The following DDX19A variants were observed in gnomAD, a reference collection of about 807,000 sequenced individuals.
DDX19A encodes the protein DEAD-box helicase 19A, also known as ATP-dependent RNA helicase DDX19A.
In DDX19A, 12 loss-of-function variants were observed where a neutral mutation model predicts 60.6. The ratio of observed to expected loss-of-function variants is 0.20; its 90% confidence interval spans 0.13 to 0.32. The LOEUF (loss-of-function observed/expected upper bound fraction) is 0.32, where lower values mean the gene tolerates loss of function less well. DDX19A is among the 10% of genes least tolerant of loss of function. The pLI is 1.00. For synonymous variants in DDX19A, 206 were observed against 218.2 expected (o/e 0.94, Z 0.49); for missense variants, 337 against 600.6 (o/e 0.56, Z 4.59).
In DDX19A at chr16:70,365,003, G is replaced by T; in HGVS notation, c.490-14G>T. 1 of 1,609,456 alleles carries T rather than the reference G, an allele frequency of 6.2e-7. No individual in the cohort carries two copies. Among genetic ancestry groups the T allele is most frequent in the South Asian group, 1.1e-5 (1 of 90,962 alleles). ...TGGCTCTCCTAAACTCATCCTTTAT[G>T]ATTTTTCTGTCAGTGTCTGTGCCTC... On this transcript the variant is annotated splice_polypyrimidine_tract_variant and intron_variant, in intron 6 of 11. Transcript: ENST00000302243.
At chr16:70,361,266 T>C in intron 4 of DDX19A, 152 bp from the exon 5 acceptor site, 1 of 646,220 alleles carries the variant, frequency 1.5e-6, no homozygotes, top group Non-Finnish European at 2.7e-6. Flanking sequence ...TTGATTTGGT[T>C]TGGTTTTTGA....
chr16:70,363,071 C>G (rs1567654675), intron 5 of DDX19A, among the ~76,000 whole-genome samples: 1 of 151,516 alleles, frequency 6.6e-6, no homozygotes, highest in African/African-American at 2.4e-5. Flanking sequence ...GGGCTGGTCT[C>G]AAACTCCTGG....
At chr16:70,366,427 C>G in intron 8 of DDX19A, 165 bp downstream of exon 8, 1 of 1,268,284 alleles carries the variant, frequency 7.9e-7, no homozygotes, top group Non-Finnish European at 1.1e-6. Context: ...ACAGTCCCTC[C>G]CAACCTGGGT....
Position 70,365,062 on chromosome 16 carries a change from A to G in DDX19A, c.535A>G (p.Lys179Glu). ...PTYELALQTG[K>E]VIEQMGKFYP... ...ATATGAGCTGGCGCTTCAAACAGGA[A>G]AAGTGATTGAGCAGATGGGCAAATT... Residue 179 changes from lysine (K) to glutamate (E), a missense_variant, in exon 7 of 12, where the codon AAA becomes GAA. Transcript: ENST00000302243. 6.2e-7 allele frequency: 1 copy of G among 1,614,198 alleles called. No homozygotes were observed. The highest frequency in any genetic ancestry group is 1.7e-4 in the Middle Eastern group (1 of 6,060).
rs1165311702 is a variant in DDX19A at position 70,370,331 on chromosome 16, C to T, written c.1129C>T (p.Arg377Cys). The T allele has an allele frequency of 1.9e-6, 3 of 1,613,844 alleles. No individual in the cohort carries two copies. Among genetic ancestry groups the T allele is most frequent in the Non-Finnish European group, 1.7e-6 (2 of 1,179,872 alleles). ...GGAGCAGAGGGCTGCGGTGATTGAG[C>T]GCTTCCGAGAGGGCAAAGAGAAGGT... ...MVEQRAAVIE[R>C]FREGKEKVLV... The change falls in exon 10 of 12, where the codon CGC becomes TGC. Residue 377 changes from arginine (R) to cysteine (C), a missense_variant. Transcript: ENST00000302243.
chr16:70,352,636 T>A (rs1439277887), intron 2 of DDX19A, among the ~76,000 whole-genome samples: 2 of 31,242 alleles, frequency 6.4e-5, no homozygotes, highest in Non-Finnish European at 1.2e-4. Context: ...CTACCACGAT[T>A]TTTTTTTTTT....
intron 4 of DDX19A, among the ~76,000 whole-genome samples, chr16:70,360,578 C>G (rs1964337468): frequency 6.6e-6 from 1 of 151,958 alleles, no homozygotes; most frequent in Non-Finnish European, 1.5e-5. Context: ...CTGGACTCCT[C>G]AAGCAGTCGT....
chr16:70,350,544 T>G lies in DDX19A; in HGVS notation c.58-13T>G. ...TCCTTTGCTTAACTCTGTTTTCTTTTATTTCTATTCAGATGACCAATTTGC... is the reference window on the plus strand; with the variant it reads ...TCCTTTGCTTAACTCTGTTTTCTTTGATTTCTATTCAGATGACCAATTTGC... On this transcript the variant is annotated splice_polypyrimidine_tract_variant and intron_variant, in intron 1 of 11. Transcript: ENST00000302243. 1 of 1,605,680 alleles carries G rather than the reference T, an allele frequency of 6.2e-7. No homozygotes were observed. Among genetic ancestry groups the G allele is most frequent in the South Asian group, 1.1e-5 (1 of 89,320 alleles).
chr16:70,355,959 C>T (rs1964172178), intron 3 of DDX19A, 153 bp from the exon 4 acceptor site: 2 of 982,222 alleles, frequency 2.0e-6, no homozygotes, highest in African/African-American at 3.3e-5. Flanking sequence ...GACCCCATCT[C>T]TAAAATAAAT....
intron 3 of DDX19A, 34 bp downstream of exon 3, chr16:70,355,569 GTA>G (rs1964161101): frequency 6.3e-7 from 1 of 1,592,282 alleles, no homozygotes; most frequent in African/African-American, 1.3e-5. Context: ...GCAAGAGACG[GTA>G]TGACCCAGGG....
At chr16:70,370,491 G>A in intron 10 of DDX19A, 106 bp downstream of exon 10, 1 of 1,454,274 alleles carries the variant, frequency 6.9e-7, no homozygotes, top group Non-Finnish European at 9.1e-7. Flanking sequence ...TCAGGGAGAT[G>A]GGTGGGGTTG....
At chr16:70,371,293 G>C in intron 10 of DDX19A, 79 bp from the exon 11 acceptor site, 1 of 1,613,222 alleles carries the variant, frequency 6.2e-7, no homozygotes, top group Non-Finnish European at 8.5e-7. Context: ...AAGTTGGTAC[G>C]CATTGACCTA....
chr16:70,353,137 T>C (rs891062309), intron 2 of DDX19A, among the ~76,000 whole-genome samples: 1 of 151,832 alleles, frequency 6.6e-6, no homozygotes, highest in Non-Finnish European at 1.5e-5. Flanking sequence ...TTCTTTTTTT[T>C]TTTCTTTGAG....
intron 3 of DDX19A, chr16:70,355,792 T>G: frequency 1.7e-6 from 1 of 576,432 alleles, no homozygotes; most frequent in Non-Finnish European, 3.1e-6. Context: ...TGAGACCCCA[T>G]CTCTACAAAA....
chr16:70,370,613 T>A, intron 10 of DDX19A: 1 of 604,910 alleles, frequency 1.7e-6, no homozygotes, highest in Non-Finnish European at 2.6e-6. Context: ...GGAAAATTGC[T>A]TGAACCCTGG....
intron 7 of DDX19A, 96 bp from the exon 8 acceptor site, chr16:70,365,989 C>T (rs1233448158): frequency 6.4e-7 from 1 of 1,573,990 alleles, no homozygotes; most frequent in South Asian, 1.1e-5. Flanking sequence ...CTGGAAATAA[C>T]TTGTTCTCCT....
At chr16:70,347,730 G>T in intron 1 of DDX19A, 1 of 194,046 alleles carries the variant, frequency 5.2e-6, no homozygotes, top group South Asian at 6.3e-5. Context: ...TGCTCTTGTT[G>T]CCCAGGCTGG....
intron 1 of DDX19A, among the ~76,000 whole-genome samples, chr16:70,349,599 T>G (rs904107620): frequency 9.9e-5 from 15 of 152,122 alleles, no homozygotes; most frequent in Non-Finnish European, 1.6e-4. Flanking sequence ...AATACAGCAC[T>G]GGAGTTCAGG....
chr16:70,360,272 C>A (rs1168219900), intron 4 of DDX19A, among the ~76,000 whole-genome samples: 1 of 149,804 alleles, frequency 6.7e-6, no homozygotes, highest in African/African-American at 2.5e-5. Flanking sequence ...CAGAGCAAGA[C>A]TCCATCTCAA....
Sources: allele counts gnomAD v4.1 joint callset (sites outside exome capture counted in the v4.1 genomes callset), GRCh38; gene constraint gnomAD v4.1.1; transcripts MANE v1.5; gene names NCBI Gene and HGNC (gene_info 2026-07-23, HGNC 2026-07-21).